Variants in COL6A3 observed in about 807,000 individuals in gnomAD.
The protein encoded by COL6A3 is collagen alpha-3(VI) chain.
COL6A3 carries 137 observed loss-of-function variants against 274.1 expected under a neutral mutation model. That is an observed-to-expected ratio of 0.50 (90% CI 0.44 to 0.58). COL6A3 has a LOEUF of 0.58. Among genes scored for constraint, COL6A3 ranks in the 20% least tolerant of loss-of-function variants. COL6A3 has a pLI of 0.00. For missense variants in COL6A3, 3,950 were observed against 4,124.9 expected, an observed-to-expected ratio of 0.96 and a Z score of 1.16; for synonymous variants, 1,650 against 1,650.6, an observed-to-expected ratio of 1.00 and a Z score of 0.01.
chr2:237,340,757 T>C lies in COL6A3; in HGVS notation c.8159A>G (p.Glu2720Gly). 2 of 1,614,152 alleles carry C rather than the reference T, an allele frequency of 1.2e-6. No homozygotes were observed. Among genetic ancestry groups the C allele is most frequent in the East Asian group, 4.5e-5 (2 of 44,866 alleles). ...QGTRALGSAI[E>G]YTIENVFESA... ...TTCAAAGACATTCTCTATGGTGTAT[T>C]CAATGGCACTGCCTAAGGCCCTGGT... is the stretch of plus-strand genomic sequence containing the variant. The change falls in exon 38 of 44, where the codon GAA (glutamate) becomes GGA (glycine). Residue 2720 changes from glutamate (E) to glycine (G), a missense_variant. Coordinates refer to ENST00000295550, the MANE Select transcript of COL6A3 (RefSeq NM_004369.4).
At chr2:237,377,397 C>G in intron 6 of COL6A3, 53 bp from the exon 7 acceptor site, 20 of 1,551,282 alleles carry the variant, frequency 1.3e-5, no homozygotes, top group Non-Finnish European at 1.1e-5. Context: ...TAACAGGAAC[C>G]AAAGCGACTT....
At chr2:237,325,522 A>C in intron 43 of COL6A3, 38 bp downstream of exon 43, 1 of 1,611,786 alleles carries the variant, frequency 6.2e-7, no homozygotes, top group Non-Finnish European at 8.5e-7. Context: ...TGAATCTCTT[A>C]TTTGCAGAAG....
chr2:237,340,902 A>C lies in COL6A3; in HGVS notation c.8014T>G (p.Ser2672Ala), dbSNP rs1467030950. ...ARVAVVQHAPSESVDNASMPP... is the reference protein window; with the variant it reads ...ARVAVVQHAPAESVDNASMPP... ...ATGCTGGCATTGTCCACGGACTCAG[A>C]GGGCGCGTGCTGCACAACTGCCACT... Residue 2672 changes from serine (S) to alanine (A), a missense_variant, in exon 38 of 44, where the codon TCT (serine) becomes GCT (alanine). This residue lies in a region of COL6A3 where 1,284 missense variants were observed against 1,349.7 expected (regional missense o/e 0.95). Transcript: ENST00000295550. 3 of 1,613,344 alleles carry C rather than the reference A, an allele frequency of 1.9e-6. No individual in the cohort carries two copies. Among genetic ancestry groups the C allele is most frequent in the Non-Finnish European group, 1.7e-6 (2 of 1,179,458 alleles).
intron 1 of COL6A3, among the ~76,000 whole-genome samples, chr2:237,402,008 A>G (rs921407781): frequency 6.6e-6 from 1 of 152,164 alleles, no homozygotes; most frequent in Non-Finnish European, 1.5e-5. Context: ...TAAGTCTTAT[A>G]CATGCCACAT....
Position 237,374,523 on chromosome 2 carries a change from TG to T in COL6A3, c.3567del (p.Thr1190ProfsTer16). 1 of 1,614,042 alleles carries T rather than the reference TG, an allele frequency of 6.2e-7. No homozygotes were observed. Among genetic ancestry groups the T allele is most frequent in the Non-Finnish European group, 8.5e-7 (1 of 1,179,994 alleles). ...TGGACGGTCCCCAGCTGGCGAAAGG[TG>T]GGAATGGCCACGGCAAAGTCCGGGA... ...SFIPDFAVAI[P>X]TFRQLGTVQQ... On this transcript the variant is annotated frameshift_variant, in exon 8 of 44. Transcript: ENST00000295550. LOFTEE classifies it high-confidence loss of function. This position sits in a 1 kb window ranked among gnomAD's most constrained non-coding sequence, Gnocchi z 4.8.
intron 28 of COL6A3, 142 bp downstream of exon 28, chr2:237,350,005 T>TG: frequency 1.2e-6 from 1 of 851,878 alleles, no homozygotes; most frequent in Non-Finnish European, 2.0e-6. Context: ...TTGCCGCAGA[T>TG]GAGCAAGTTT....
intron 16 of COL6A3, 139 bp from the exon 17 acceptor site, chr2:237,360,298 C>T (rs2077406422): frequency 2.4e-6 from 2 of 850,062 alleles, no homozygotes; most frequent in Admixed American, 4.0e-5. Flanking sequence ...CCGATCGAGG[C>T]TACGTGAGCC....
At chr2:237,393,442 T>C (rs1256845772) in intron 3 of COL6A3, among the ~76,000 whole-genome samples, 1 of 152,166 alleles carries the variant, frequency 6.6e-6, no homozygotes, top group Non-Finnish European at 1.5e-5. Context: ...CAACTTGAAC[T>C]CTCTCAATGT....
chr2:237,336,460 C>G lies in COL6A3; in HGVS notation c.8640G>C (p.Thr2880=), dbSNP rs746309230. 2 of 1,614,084 alleles carry G rather than the reference C, an allele frequency of 1.2e-6. No individual in the cohort carries two copies. The highest frequency in any genetic ancestry group is 8.5e-7 in the Non-Finnish European group (1 of 1,180,020). ...GCTTTGTTGTGGTGGTCACCGGCTT[C>G]GTCGTAGTCACCGGCTTCGTTGTCG... ...PVTTTKPVTT[T]KPVTTTTKPV... is the part of the protein sequence containing the mutation. Residue 2880 remains threonine (T), a synonymous_variant, in exon 40 of 44, where the codon ACG becomes ACC. Coordinates refer to ENST00000295550, the MANE Select transcript of COL6A3 (RefSeq NM_004369.4).
chr2:237,391,941 T>C (rs1392221639), intron 3 of COL6A3, among the ~76,000 whole-genome samples: 1 of 152,206 alleles, frequency 6.6e-6, no homozygotes, highest in African/African-American at 2.4e-5. Context: ...TCTTGTCATT[T>C]CCTGGTAACC....
At chr2:237,376,740 G>A in intron 7 of COL6A3, 32 bp downstream of exon 7, 1 of 1,605,038 alleles carries the variant, frequency 6.2e-7, no homozygotes, top group African/African-American at 1.3e-5. Flanking sequence ...AGAGAACTGA[G>A]TGGCAGAGCA....
rs1159231769 is a variant in COL6A3 at position 237,395,020 on chromosome 2, C to G, written c.276G>C (p.Leu92=). ...QFNGNPHTEF[L]LNTYRTKQEV... is the part of the protein sequence containing the mutation. Reference sequence around the variant, plus strand: ...CTTGTTTAGTACGATACGTATTTAACAGGAACTCGGTATGTGGGTTTCCGT... The same window carrying G: ...CTTGTTTAGTACGATACGTATTTAAGAGGAACTCGGTATGTGGGTTTCCGT... The change falls in exon 3 of 44, where the codon CTG becomes CTC. Residue 92 remains leucine, a synonymous_variant. Transcript: ENST00000295550. 6.2e-7 allele frequency: 1 copy of G among 1,614,170 alleles called. No individual in the cohort carries two copies. Among genetic ancestry groups the G allele is most frequent in the African/African-American group, 1.3e-5 (1 of 75,040 alleles).
Position 237,371,633 on chromosome 2 carries a change from T to G in COL6A3, c.4285+99A>C, listed in dbSNP as rs2106356495. 1 of 1,510,248 alleles carries G rather than the reference T, an allele frequency of 6.6e-7. No homozygotes were observed. The highest frequency in any genetic ancestry group is 2.3e-5 in the East Asian group (1 of 44,048). The allele number at this position is 1,510,248 out of a possible 1,614,324, so 93.6% of individuals were successfully genotyped here. On this transcript the variant is annotated intron_variant, in intron 9 of 43. Coordinates refer to ENST00000295550, the MANE Select transcript of COL6A3 (RefSeq NM_004369.4). The surrounding 1 kb of genome is among the most constrained non-coding windows in gnomAD (Gnocchi z 4.3). ...CCATAAAGGTAAGGGCATACAACCT[T>G]TATTTTAATTTAATTTATTATGAGT...
chr2:237,366,553 C>G, intron 11 of COL6A3, 134 bp downstream of exon 11: 1 of 1,322,038 alleles, frequency 7.6e-7, no homozygotes, highest in Non-Finnish European at 1.1e-6. Flanking sequence ...AGGACCAGTC[C>G]CAGTGGGTAT....
chr2:237,328,789 A>G (rs1700081153), intron 42 of COL6A3: 1 of 152,240 alleles, frequency 6.6e-6, no homozygotes, highest in Non-Finnish European at 1.5e-5. Flanking sequence ...ATCACGATGT[A>G]AGTACTTCCT....
In COL6A3 at chr2:237,368,627, C is replaced by T. The variant is rs766930229; in HGVS notation, c.4836G>A (p.Ser1612=). 1.2e-5 allele frequency: 20 copies of T among 1,614,078 alleles called. No homozygotes were observed. The East Asian group carries it at 1.6e-4, about 13-fold the overall frequency. Reference sequence around the variant, plus strand: ...CAGGAGTGGCTGCGGAGGGTCCAAACGAGTTCATGATTCTTTCTTCTATGT... The same window carrying T: ...CAGGAGTGGCTGCGGAGGGTCCAAATGAGTTCATGATTCTTTCTTCTATGT... ...LPNIEERIMN[S]FGPSAATPAP... The change falls in exon 10 of 44, where the codon TCG becomes TCA. Residue 1612 remains serine, a synonymous_variant. Coordinates refer to ENST00000295550, the MANE Select transcript of COL6A3 (RefSeq NM_004369.4). This position sits in a 1 kb window ranked among gnomAD's most constrained non-coding sequence, Gnocchi z 4.4.
At chr2:237,335,289 C>T (rs900562562) in intron 40 of COL6A3, among the ~76,000 whole-genome samples, 1 of 152,208 alleles carries the variant, frequency 6.6e-6, no homozygotes, top group Non-Finnish European at 1.5e-5. Flanking sequence ...TGCTTTCTCT[C>T]TCATACTGTT....
rs1400725357 is a variant in COL6A3, at chr2:237,371,421, A to G, written c.4285+311T>C. Reference sequence around the variant, plus strand: ...AGACCAGCCTGGCCAACATGGTGAAACCCCGTCTCCACAAAAAATACAAAA... The same window carrying G: ...AGACCAGCCTGGCCAACATGGTGAAGCCCCGTCTCCACAAAAAATACAAAA... On this transcript the variant is annotated intron_variant, in intron 9 of 43. Coordinates refer to ENST00000295550, the MANE Select transcript of COL6A3 (RefSeq NM_004369.4). The surrounding 1 kb of genome is among the most constrained non-coding windows in gnomAD (Gnocchi z 4.3). Among the ~76,000 whole-genome samples, 1 of 151,816 alleles carries G rather than the reference A, an allele frequency of 6.6e-6. No individual in the cohort carries two copies. The highest frequency in any genetic ancestry group is 1.5e-5 in the Non-Finnish European group (1 of 67,960).
chr2:237,392,698 G>GTGTGTTTTATAACATATGTGTTATA (rs2078322664), intron 3 of COL6A3, among the ~76,000 whole-genome samples: 1 of 152,208 alleles, frequency 6.6e-6, no homozygotes, highest in African/African-American at 2.4e-5. Context: ...TAAATACACA[G>GTGTGTTTTATAACATATGTGTTATA]AAGAGAGTCT....
Sources: gnomAD v4.1 joint callset for allele counts (sites outside exome capture counted in the v4.1 genomes callset) on GRCh38, gnomAD v4.1.1 for gene constraint, gnomAD v4.1.1 regional missense constraint, Gnocchi (gnomAD v3.1) non-coding constraint, MANE v1.5 for transcripts, NCBI Gene and HGNC (gene_info 2026-07-23, HGNC 2026-07-21) for gene names.